The following CDK7 variants were observed in gnomAD, a reference collection of about 807,000 sequenced individuals.
The protein encoded by CDK7 is cyclin dependent kinase 7.
Under a neutral mutation model 49.1 loss-of-function variants are expected in CDK7, and 25 were observed. The ratio of observed to expected loss-of-function variants is 0.51; its 90% CI spans 0.37 to 0.71. CDK7 has a LOEUF of 0.71. Ranked by LOEUF, CDK7 falls within the 30% of genes least tolerant of loss-of-function variation. CDK7 has a pLI of 0.00. For missense variants in CDK7, 316 were observed against 411.7 expected (o/e 0.77, Z 2.01); for synonymous variants, 107 against 140.0 (o/e 0.76, Z 1.67).
At chr5:69,262,520 T>C (rs1750895118) in intron 8 of CDK7, among the ~76,000 whole-genome samples, 1 of 151,594 alleles carries the variant, frequency 6.6e-6, no homozygotes, top group Non-Finnish European at 1.5e-5. Context: ...AATAGAAAAA[T>C]TAGCTGGGCA....
At chr5:69,268,613 G>T (rs771916522) in intron 8 of CDK7, among the ~76,000 whole-genome samples, 2 of 152,236 alleles carry the variant, frequency 1.3e-5, no homozygotes, top group South Asian at 4.2e-4. Context: ...AGCACTTTGG[G>T]AGGCCGAGGC....
chr5:69,275,507 G>T (rs560319678), intron 10 of CDK7, among the ~76,000 whole-genome samples: 2 of 152,190 alleles, frequency 1.3e-5, no homozygotes, highest in South Asian at 4.2e-4. Context: ...CTCATAATTA[G>T]TATAGGTTGA....
At chr5:69,273,169 A>G (rs1751740965) in intron 10 of CDK7, 128 bp downstream of exon 10, 11 of 659,568 alleles carry the variant, frequency 1.7e-5, no homozygotes, top group Middle Eastern at 4.2e-4. Flanking sequence ...GTTTTAAGAA[A>G]TAACAAACTT....
At chr5:69,272,865 G>C (rs760253433) in intron 9 of CDK7, 27 bp from the exon 10 acceptor site, 5 of 1,497,920 alleles carry the variant, frequency 3.3e-6, no homozygotes, top group Non-Finnish European at 3.6e-6. Context: ...TAATCCTTAA[G>C]TTTGAATTAC....
chr5:69,259,698 T>A (rs927915412), intron 6 of CDK7, 120 bp from the exon 7 acceptor site: 1 of 657,708 alleles, frequency 1.5e-6, no homozygotes, highest in Non-Finnish European at 2.7e-6. Context: ...AAAAATTGAT[T>A]GTTTAGATTT....
intron 3 of CDK7, 42 bp downstream of exon 3, chr5:69,252,493 C>CTTT: frequency 2.3e-6 from 1 of 429,962 alleles, no homozygotes; most frequent in Non-Finnish European, 3.7e-6. Context: ...AAAGTTTTCT[C>CTTT]CTTTTTTTTT....
At chr5:69,274,989 G>A (rs534256224) in intron 10 of CDK7, among the ~76,000 whole-genome samples, 44 of 151,838 alleles carry the variant, frequency 2.9e-4, no homozygotes, top group African/African-American at 7.0e-4. Context: ...ATGTGAACCC[G>A]GGAGGTGGAG....
intron 8 of CDK7, among the ~76,000 whole-genome samples, chr5:69,264,502 A>G (rs1751019830): frequency 6.6e-6 from 1 of 151,882 alleles, no homozygotes; most frequent in African/African-American, 2.4e-5. Context: ...TAACATTGTG[A>G]AACCCTGTCT....
Position 69,243,046 on chromosome 5 carries a change from CA to C in CDK7, c.126+7602del, listed in dbSNP as rs532094739. Among the ~76,000 whole-genome samples the C allele has an allele frequency of 5.4e-3, 818 of 150,336 alleles. 7 individuals are homozygous for C. The highest frequency in any genetic ancestry group is 0.024 in the Admixed American group (365 of 15,130). ...GGCAACAAGAGCAAAAACTGTGTCT[CA>C]AAAAAAAAGCAAAGATGGAGTCAGC... is the stretch of plus-strand genomic sequence containing the variant. On this transcript the variant is annotated intron_variant, in intron 2 of 11. Transcript: ENST00000256443.
At chr5:69,262,680 AAAAG>A (rs1216109510) in intron 8 of CDK7, among the ~76,000 whole-genome samples, 4 of 151,174 alleles carry the variant, frequency 2.6e-5, no homozygotes, top group East Asian at 1.9e-4. Flanking sequence ...AAAAAAAAAA[AAAAG>A]AAAAAGAAAA....
chr5:69,240,490 A>T (rs1304727646), intron 2 of CDK7, among the ~76,000 whole-genome samples: 1 of 151,292 alleles, frequency 6.6e-6, no homozygotes, highest in Non-Finnish European at 1.5e-5. Context: ...GGCAACAAAA[A>T]GGAGAGGTTG....
chr5:69,251,225 G>A (rs1014849817), intron 2 of CDK7, among the ~76,000 whole-genome samples: 9 of 151,686 alleles, frequency 5.9e-5, no homozygotes, highest in Non-Finnish European at 1.2e-4. Context: ...AGCCTCCCAA[G>A]TAGCTGGGAC....
upstream of CDK7, chr5:69,234,830 C>A: frequency 1.3e-6 from 1 of 796,344 alleles, no homozygotes; most frequent in Non-Finnish European, 2.0e-6. Context: ...GCAGCTTCCT[C>A]CGCCCACCAC....
At chr5:69,276,056 G>C (rs1752102651) in intron 10 of CDK7, among the ~76,000 whole-genome samples, 1 of 151,990 alleles carries the variant, frequency 6.6e-6, no homozygotes, top group South Asian at 2.1e-4. Flanking sequence ...TTGATACGGA[G>C]CCTTGCTCTG....
Position 69,277,144 on chromosome 5 carries a change from C to T in CDK7, c.*9C>T, listed in dbSNP as rs748884249. On this transcript the variant is annotated 3_prime_UTR_variant, in exon 12 of 12. Coordinates refer to ENST00000256443, the MANE Select transcript of CDK7 (RefSeq NM_001799.4). The stretch of plus-strand genomic sequence containing the variant: ...AGAAACTAATTTTTTAAAGAGAACA[C>T]TGGACAACATTTTACTACTGAGGGA... 1.9e-6 allele frequency: 3 copies of T among 1,592,340 alleles called. No homozygotes were observed. Among genetic ancestry groups the T allele is most frequent in the Middle Eastern group, 1.7e-4 (1 of 5,972 alleles).
intron 10 of CDK7, among the ~76,000 whole-genome samples, chr5:69,273,298 T>C (rs1427291459): frequency 6.7e-6 from 1 of 149,894 alleles, no homozygotes; most frequent in Non-Finnish European, 1.5e-5. Context: ...TACATGTCTA[T>C]TTCACATAAT....
intron 8 of CDK7, among the ~76,000 whole-genome samples, chr5:69,266,045 C>G (rs1396930010): frequency 1.3e-5 from 2 of 152,118 alleles, no homozygotes; most frequent in South Asian, 2.1e-4. Flanking sequence ...CACGTTTGTG[C>G]CACTGCATTC....
intron 7 of CDK7, among the ~76,000 whole-genome samples, chr5:69,260,636 G>C (rs755481656): frequency 6.6e-6 from 1 of 151,996 alleles, no homozygotes; most frequent in Non-Finnish European, 1.5e-5. Context: ...TCTAAACAGA[G>C]CAATGTCTTG....
intron 8 of CDK7, among the ~76,000 whole-genome samples, chr5:69,262,816 G>A (rs1750921732): frequency 1.3e-5 from 2 of 152,088 alleles, no homozygotes; most frequent in Admixed American, 6.6e-5. Flanking sequence ...CTTCCATTTA[G>A]GACAATAAGA....
Sources: allele counts gnomAD v4.1 joint callset (sites outside exome capture counted in the v4.1 genomes callset), GRCh38; gene constraint gnomAD v4.1.1; transcripts MANE v1.5; gene names NCBI Gene and HGNC (gene_info 2026-07-23, HGNC 2026-07-21).